Variants in RNF144A observed in about 807,000 individuals in gnomAD.
RNF144A encodes the protein ring finger protein 144A.
Under a neutral mutation model 38.7 loss-of-function variants are expected in RNF144A, and 11 were observed. The observed-to-expected ratio is 0.28, with a 90% CI of 0.18 to 0.47. The LOEUF (loss-of-function observed/expected upper bound fraction) is 0.47. Among genes scored for constraint, RNF144A ranks in the 20% least tolerant of loss-of-function variants. The probability of loss-of-function intolerance (pLI) is 0.99; values close to 1 mark genes in which losing one functional copy is unlikely to be tolerated. For missense variants in RNF144A, 316 were observed against 377.2 expected (o/e 0.84, Z 1.34); for synonymous variants, 149 against 143.9 (o/e 1.04, Z -0.25).
At chr2:6,998,767 A>T (rs1049254421) in intron 3 of RNF144A, among the ~76,000 whole-genome samples, 1 of 152,124 alleles carries the variant, frequency 6.6e-6, no homozygotes. Flanking sequence ...TTTCTAGATG[A>T]GTTAGGATGG....
intron 1 of RNF144A, among the ~76,000 whole-genome samples, chr2:6,940,343 T>C (rs2103295680): frequency 6.6e-6 from 1 of 152,318 alleles, no homozygotes; most frequent in East Asian, 1.9e-4. Context: ...AAATTATGTT[T>C]CTTATAATAA....
intron 2 of RNF144A, among the ~76,000 whole-genome samples, chr2:6,954,361 A>T (rs899157338): frequency 6.6e-6 from 1 of 151,530 alleles, no homozygotes; most frequent in African/African-American, 2.4e-5. Context: ...CACAGAAAGT[A>T]AAAAAAAAGA....
At chr2:6,993,390 CAG>C (rs1669520009) in intron 2 of RNF144A, among the ~76,000 whole-genome samples, 1 of 152,136 alleles carries the variant, frequency 6.6e-6, no homozygotes, top group Admixed American at 6.5e-5. Context: ...GAAAGGAAGT[CAG>C]ACAGATGGAA....
At chr2:6,938,164 C>T (rs904907569) in intron 1 of RNF144A, among the ~76,000 whole-genome samples, 1 of 151,950 alleles carries the variant, frequency 6.6e-6, no homozygotes, top group Admixed American at 6.5e-5. Context: ...TTGGGAAAAC[C>T]TGGAGTAATC....
At chr2:6,945,480 C>T (rs1038043445) in intron 2 of RNF144A, among the ~76,000 whole-genome samples, 1 of 152,218 alleles carries the variant, frequency 6.6e-6, no homozygotes, top group Non-Finnish European at 1.5e-5. Flanking sequence ...GTTGCTGGGT[C>T]AGTCTTCTCT....
At chr2:6,922,861 T>C (rs1664629994) in intron 1 of RNF144A, among the ~76,000 whole-genome samples, 1 of 151,570 alleles carries the variant, frequency 6.6e-6, no homozygotes, top group African/African-American at 2.4e-5. Context: ...CCTGATCTCA[T>C]GATCCGCCCG....
Position 6,991,855 on chromosome 2 carries a change from A to G in RNF144A, c.-11-5061A>G, listed in dbSNP as rs1054839957. On this transcript the variant is annotated intron_variant, in intron 2 of 8. Transcript: ENST00000320892. ...ATATGTATATATAATTGTTGTTATAATTATGGAATAGCTGCTGTGACCACT... is the reference window on the plus strand; with the variant it reads ...ATATGTATATATAATTGTTGTTATAGTTATGGAATAGCTGCTGTGACCACT... Among the ~76,000 whole-genome samples the G allele has an allele frequency of 2.0e-5, 3 of 152,150 alleles. No individual in the cohort carries two copies. In the East Asian group the frequency reaches 5.8e-4, roughly 29 times the overall value.
intron 7 of RNF144A, among the ~76,000 whole-genome samples, chr2:7,027,850 A>G (rs1365773407): frequency 1.3e-5 from 2 of 152,186 alleles, no homozygotes; most frequent in African/African-American, 4.8e-5. Flanking sequence ...TTGTGAAACC[A>G]TATTTGAGTG....
chr2:6,948,085 C>T (rs146565432), intron 2 of RNF144A, among the ~76,000 whole-genome samples: 33 of 152,278 alleles, frequency 2.2e-4, no homozygotes, highest in African/African-American at 7.2e-4. Context: ...CCATGCTGCA[C>T]GGTGGAAACT....
At position 7,041,029 on chromosome 2, in the gene RNF144A, G is replaced by T; in HGVS notation, c.*1269G>T. The T allele has an allele frequency of 3.0e-6, 3 of 985,380 alleles. No individual in the cohort carries two copies. The highest frequency in any genetic ancestry group is 3.6e-6 in the Non-Finnish European group (3 of 829,900). 61.0% of individuals were successfully genotyped at this position (985,380 alleles called of 1,614,324 possible). On this transcript the variant is annotated 3_prime_UTR_variant, in exon 9 of 9. Transcript: ENST00000320892. ...ATTCCACCAATTGACTTTGAAAAGT[G>T]GAGAAAGTGTATTCTTTAAAGAGAA...
intron 2 of RNF144A, among the ~76,000 whole-genome samples, chr2:6,942,887 G>A (rs1415618123): frequency 6.6e-6 from 1 of 152,236 alleles, no homozygotes; most frequent in Non-Finnish European, 1.5e-5. Flanking sequence ...GGGAGGCTGA[G>A]TCAGGAGAAT....
intron 2 of RNF144A, among the ~76,000 whole-genome samples, chr2:6,985,488 A>G (rs1668893293): frequency 1.3e-5 from 2 of 152,112 alleles, no homozygotes; most frequent in South Asian, 4.1e-4. Context: ...TGGAAGGATT[A>G]GGGGCTTGTA....
At chr2:7,061,102 C>G (rs572933113) in intron 6 of RNF144A, among the ~76,000 whole-genome samples, 1 of 152,268 alleles carries the variant, frequency 6.6e-6, no homozygotes, top group South Asian at 2.1e-4. Context: ...ACTCTGCTCA[C>G]CCCTGACATT....
intron 2 of RNF144A, among the ~76,000 whole-genome samples, chr2:6,957,544 A>G (rs978162459): frequency 6.6e-6 from 1 of 152,172 alleles, no homozygotes; most frequent in African/African-American, 2.4e-5. Flanking sequence ...AGCTCACTGC[A>G]TAGAGGCTGC....
chr2:7,069,850 GA>G (rs1447878669), downstream of RNF144A, among the ~76,000 whole-genome samples: 1 of 152,216 alleles, frequency 6.6e-6, no homozygotes, highest in Non-Finnish European at 1.5e-5. Context: ...TTAACTTGGT[GA>G]AATAGTTAAA....
chr2:7,063,282 T>C (rs949191659), intron 6 of RNF144A, among the ~76,000 whole-genome samples: 1 of 152,186 alleles, frequency 6.6e-6, no homozygotes, highest in Admixed American at 6.5e-5. Context: ...TGTGTAGAGA[T>C]TTGGAGTTTA....
intron 6 of RNF144A, among the ~76,000 whole-genome samples, chr2:7,049,303 G>T (rs1673427454): frequency 6.6e-6 from 1 of 152,226 alleles, no homozygotes. Flanking sequence ...AACAAATGTT[G>T]CTTGAATGAG....
At chr2:6,980,625 C>A (rs1414391220) in intron 2 of RNF144A, among the ~76,000 whole-genome samples, 1 of 152,240 alleles carries the variant, frequency 6.6e-6, no homozygotes, top group Non-Finnish European at 1.5e-5. Context: ...ACAGCCGCTG[C>A]AGCTGCTTTC....
At chr2:6,998,051 A>G (rs925620185) in intron 3 of RNF144A, among the ~76,000 whole-genome samples, 13 of 152,220 alleles carry the variant, frequency 8.5e-5, no homozygotes, top group African/African-American at 3.1e-4. Flanking sequence ...AAAACTTCAC[A>G]TTGTTCACTT....
Sources: gnomAD v4.1 joint callset for allele counts (sites outside exome capture counted in the v4.1 genomes callset) on GRCh38, gnomAD v4.1.1 for gene constraint, MANE v1.5 for transcripts, NCBI Gene and HGNC (gene_info 2026-07-23, HGNC 2026-07-21) for gene names.